ZFYVE28: variants seen among roughly 807,000 people sequenced by gnomAD.
The protein encoded by ZFYVE28 is zinc finger FYVE-type containing 28.
A neutral mutation model predicts 82.1 loss-of-function variants in ZFYVE28; 40 were observed. That is an observed-to-expected ratio of 0.49 (90% confidence interval 0.38 to 0.63). The LOEUF (loss-of-function observed/expected upper bound fraction) is 0.63, where lower values mean the gene tolerates loss of function less well. Among genes scored for constraint, ZFYVE28 ranks in the 30% least tolerant of loss-of-function variants. ZFYVE28 has a pLI of 0.00. For synonymous variants in ZFYVE28, 612 were observed against 546.1 expected, an observed-to-expected ratio of 1.12 and a Z score of -1.68; for missense variants, 1,321 against 1,242.1, an observed-to-expected ratio of 1.06 and a Z score of -0.96.
At chr4:2,350,692 AG>A (rs1204461277) in intron 2 of ZFYVE28, among the ~76,000 whole-genome samples, 2 of 152,098 alleles carry the variant, frequency 1.3e-5, no homozygotes, top group Non-Finnish European at 2.9e-5. Flanking sequence ...ACCTCCGGGG[AG>A]GGGAGAGGCA....
Position 2,394,743 on chromosome 4 carries a change from A to G in ZFYVE28, c.39+23542T>C, listed in dbSNP as rs747035217. Reference sequence around the variant, plus strand: ...CTCTGCGCAGCTGCATCGATGCCTGACTGCACGTGTGCGTGCTTCCATTAC... The same window carrying G: ...CTCTGCGCAGCTGCATCGATGCCTGGCTGCACGTGTGCGTGCTTCCATTAC... On this transcript the variant is annotated intron_variant, in intron 1 of 12. Coordinates refer to ENST00000290974, the MANE Select transcript of ZFYVE28 (RefSeq NM_020972.3). This position sits in a 1 kb window ranked among gnomAD's most constrained non-coding sequence, Gnocchi z 4.0. Among the ~76,000 whole-genome samples, 29 of 152,232 alleles carry G rather than the reference A, an allele frequency of 1.9e-4. No homozygotes were observed. Among genetic ancestry groups the G allele is most frequent in the Non-Finnish European group, 4.0e-4 (27 of 68,042 alleles).
At chr4:2,290,614 G>A (rs943626422) in intron 8 of ZFYVE28, among the ~76,000 whole-genome samples, 2 of 152,222 alleles carry the variant, frequency 1.3e-5, no homozygotes, top group South Asian at 4.1e-4. Flanking sequence ...CCTGGCCCCA[G>A]AGCAGCTGCT....
chr4:2,318,449 T>A (rs1280415128), intron 7 of ZFYVE28, among the ~76,000 whole-genome samples: 1 of 152,164 alleles, frequency 6.6e-6, no homozygotes, highest in East Asian at 1.9e-4. Flanking sequence ...TCCCAGCTAC[T>A]CAGGAGGCTG....
At chr4:2,382,411 G>A (rs1560314572) in intron 1 of ZFYVE28, among the ~76,000 whole-genome samples, 1 of 152,234 alleles carries the variant, frequency 6.6e-6, no homozygotes, top group Non-Finnish European at 1.5e-5. Flanking sequence ...TCACAGGGGT[G>A]GAGCTGCCCA....
At chr4:2,291,417 G>C (rs1440845935) in intron 8 of ZFYVE28, among the ~76,000 whole-genome samples, 7 of 152,134 alleles carry the variant, frequency 4.6e-5, no homozygotes, top group Admixed American at 3.9e-4. Context: ...TCACGGGGAG[G>C]CCCCATCCCC....
At chr4:2,308,330 T>C (rs1029066806) in intron 7 of ZFYVE28, among the ~76,000 whole-genome samples, 2 of 151,910 alleles carry the variant, frequency 1.3e-5, no homozygotes, top group Non-Finnish European at 2.9e-5. Flanking sequence ...AGCATACATA[T>C]GTTCACCTGG....
chr4:2,276,184 G>A (rs1736424540), intron 8 of ZFYVE28, among the ~76,000 whole-genome samples: 1 of 151,952 alleles, frequency 6.6e-6, no homozygotes, highest in Admixed American at 6.5e-5. Flanking sequence ...AGCTGCACGG[G>A]GCCCCCTCCC....
intron 1 of ZFYVE28, among the ~76,000 whole-genome samples, chr4:2,375,151 C>T (rs1727986660): frequency 6.6e-6 from 1 of 152,240 alleles, no homozygotes; most frequent in African/African-American, 2.4e-5. Flanking sequence ...TCCCTCCCTG[C>T]TGCTGTGGCA....
chr4:2,339,268 G>A lies in ZFYVE28; in HGVS notation c.521+185C>T, dbSNP rs1722361657. Among the ~76,000 whole-genome samples, 1 of 152,136 alleles carries A rather than the reference G, an allele frequency of 6.6e-6. No individual in the cohort carries two copies. On this transcript the variant is annotated intron_variant, in intron 4 of 12. Coordinates refer to ENST00000290974, the MANE Select transcript of ZFYVE28 (RefSeq NM_020972.3). The surrounding 1 kb of genome is among the most constrained non-coding windows in gnomAD (Gnocchi z 5.0). ...CTGTGCTCACCCCACTCCCTGGAAA[G>A]ATGCCCCACCTCACCTCCACGCTAT...
At chr4:2,283,720 C>A (rs573148599) in intron 8 of ZFYVE28, among the ~76,000 whole-genome samples, 1 of 152,338 alleles carries the variant, frequency 6.6e-6, no homozygotes, top group East Asian at 1.9e-4. Context: ...AGTTAATTAT[C>A]ACACACGGAA....
chr4:2,299,637 A>G (rs1365428465), intron 8 of ZFYVE28, among the ~76,000 whole-genome samples: 24 of 127,780 alleles, frequency 1.9e-4, no homozygotes, highest in East Asian at 7.0e-4. Context: ...AAGGGAAGGG[A>G]AGGGAGGGGA....
chr4:2,357,401 T>C (rs1578233368), intron 1 of ZFYVE28, among the ~76,000 whole-genome samples: 1 of 152,276 alleles, frequency 6.6e-6, no homozygotes, highest in Admixed American at 6.5e-5. Flanking sequence ...TGCCACTTCC[T>C]GAACCAGGAG....
At chr4:2,349,824 T>C (rs11737615) in intron 2 of ZFYVE28, among the ~76,000 whole-genome samples, 19,153 of 152,120 alleles carry the variant, frequency 0.13, 1,447 homozygotes, top group East Asian at 0.21. Context: ...ATCTAACATC[T>C]ATTCCTAATA....
intron 1 of ZFYVE28, among the ~76,000 whole-genome samples, chr4:2,385,386 C>T (rs1179312664): frequency 6.6e-6 from 1 of 152,198 alleles, no homozygotes; most frequent in African/African-American, 2.4e-5. Context: ...AGAGCACCTG[C>T]TGCCCTTACA....
At position 2,372,518 on chromosome 4, in the gene ZFYVE28, C is replaced by A. The variant is rs530602715; in HGVS notation, c.40-18445G>T. 2.0e-5 allele frequency among the ~76,000 whole-genome samples: 3 copies of A among 152,112 alleles called. No homozygotes were observed. Among genetic ancestry groups the A allele is most frequent in the Non-Finnish European group, 4.4e-5 (3 of 67,996 alleles). ...CGTCACCATCATCGAGGCCTCCTAG[C>A]CCCTCCAGCACGGCACCATGCCCTA... On this transcript the variant is annotated intron_variant, in intron 1 of 12. Coordinates refer to ENST00000290974, the MANE Select transcript of ZFYVE28 (RefSeq NM_020972.3). This position sits in a 1 kb window ranked among gnomAD's most constrained non-coding sequence, Gnocchi z 5.2.
chr4:2,375,733 C>T (rs10014641), intron 1 of ZFYVE28, among the ~76,000 whole-genome samples: 101,573 of 152,010 alleles, frequency 0.67, 34,265 homozygotes, highest in East Asian at 0.8. Flanking sequence ...ACACAAGGGG[C>T]ATCCCACTGA....
At chr4:2,351,285 T>C (rs113561280) in intron 2 of ZFYVE28, among the ~76,000 whole-genome samples, 3 of 152,240 alleles carry the variant, frequency 2.0e-5, no homozygotes, top group African/African-American at 7.2e-5. Context: ...CATGGAGTGT[T>C]GAGTGACTGT....
intron 2 of ZFYVE28, among the ~76,000 whole-genome samples, chr4:2,346,427 G>A (rs1723608942): frequency 6.6e-6 from 1 of 151,552 alleles, no homozygotes; most frequent in Non-Finnish European, 1.5e-5. Flanking sequence ...ATCTATACAA[G>A]GGAAAAGAGA....
rs982662864 is a variant in ZFYVE28, at chr4:2,409,083, G to A, written c.39+9202C>T. Among the ~76,000 whole-genome samples the A allele has an allele frequency of 1.3e-5, 2 of 151,908 alleles. No homozygotes were observed. The highest frequency in any genetic ancestry group is 2.9e-5 in the Non-Finnish European group (2 of 67,970). On this transcript the variant is annotated intron_variant, in intron 1 of 12. Coordinates refer to ENST00000290974, the MANE Select transcript of ZFYVE28 (RefSeq NM_020972.3). The surrounding 1 kb of genome is among the most constrained non-coding windows in gnomAD (Gnocchi z 4.4). ...CGCGGTCTGTGACACAGCCCTGAAC[G>A]CCCCTGGCCCCCCACCCTCACATTC...
Sources: allele counts gnomAD v4.1 joint callset (sites outside exome capture counted in the v4.1 genomes callset), GRCh38; gene constraint gnomAD v4.1.1; non-coding constraint Gnocchi (gnomAD v3.1); transcripts MANE v1.5; gene names NCBI Gene and HGNC (gene_info 2026-07-23, HGNC 2026-07-21).